The following RTN4RL2 variants were observed in gnomAD, a reference collection of about 807,000 sequenced individuals.
RTN4RL2 encodes reticulon 4 receptor like 2, also known as reticulon-4 receptor-like 2.
In RTN4RL2, 9 loss-of-function variants were observed where a neutral mutation model predicts 27.8. That is an observed-to-expected ratio of 0.32 (90% CI 0.20 to 0.57). RTN4RL2 has a LOEUF of 0.57. RTN4RL2 is among the 20% of genes least tolerant of loss of function. The pLI, the probability that RTN4RL2 is intolerant of heterozygous loss-of-function variation, is 0.90. For missense variants in RTN4RL2, 436 were observed against 596.8 expected, an observed-to-expected ratio of 0.73 and a Z score of 2.81; for synonymous variants, 285 against 297.9, an observed-to-expected ratio of 0.96 and a Z score of 0.45.
chr11:57,468,203 T>A, intron 2 of RTN4RL2, 113 bp downstream of exon 2: 1 of 1,089,488 alleles, frequency 9.2e-7, no homozygotes. Flanking sequence ...CCACCCTTCC[T>A]GCCTCAGCAT....
At chr11:57,473,124 A>G (rs1943573666) in intron 2 of RTN4RL2, among the ~76,000 whole-genome samples, 1 of 152,222 alleles carries the variant, frequency 6.6e-6, no homozygotes, top group African/African-American at 2.4e-5. Context: ...GCCGATGATG[A>G]CGATGATACC....
Position 57,467,804 on chromosome 11 carries a change from G to A in RTN4RL2, c.227G>A (p.Arg76Gln), listed in dbSNP as rs374021688. The A allele has an allele frequency of 2.9e-5, 46 of 1,613,864 alleles. No homozygotes were observed. Among genetic ancestry groups the A allele is most frequent in the Middle Eastern group, 3.3e-4 (2 of 6,084 alleles). Residue 76 changes from arginine to glutamine, a missense_variant, in exon 2 of 3, where the codon CGG (arginine) becomes CAG (glutamine). This residue lies in a region of RTN4RL2 where 365 missense variants were observed against 530.5 expected (regional missense o/e 0.69). Transcript: ENST00000335099. This position sits in a 1 kb window ranked among gnomAD's most constrained non-coding sequence, Gnocchi z 5.5. ...CAGAACAACCTCATCCGCACGCTGC[G>A]GCCAGGCACCTTTGGGTCCAACCTG... ...FLQNNLIRTL[R>Q]PGTFGSNLLT...
Position 57,467,530 on chromosome 11 carries a change from C to A in RTN4RL2, c.32-79C>A. On this transcript the variant is annotated intron_variant, in intron 1 of 2. Transcript: ENST00000335099. The surrounding 1 kb of genome is among the most constrained non-coding windows in gnomAD (Gnocchi z 5.5). ...TATTCAGCCGGGTCTAGGCCTTTTA[C>A]CAAGTTGGGGGGCTGGCCCCCAGCT... 4 of 1,531,294 alleles carry A rather than the reference C, an allele frequency of 2.6e-6. No individual in the cohort carries two copies. In the South Asian group the frequency reaches 5.1e-5, roughly 20 times the overall value. 94.9% of individuals were successfully genotyped at this position (1,531,294 alleles called of 1,614,324 possible). A position where few individuals can be genotyped will look rare whatever the true frequency, so the allele number is the denominator to read the frequency against.
intron 1 of RTN4RL2, among the ~76,000 whole-genome samples, chr11:57,462,717 T>C (rs1354743310): frequency 1.3e-5 from 2 of 152,250 alleles, no homozygotes; most frequent in Non-Finnish European, 2.9e-5. Context: ...AGTGAACAGA[T>C]ACTTTTGGCT....
chr11:57,475,681 A>C (rs1214602646), intron 2 of RTN4RL2, among the ~76,000 whole-genome samples: 8 of 152,340 alleles, frequency 5.3e-5, no homozygotes, highest in Non-Finnish European at 1.2e-4. Flanking sequence ...AGTCACAGAT[A>C]TCCTGAGTGA....
In RTN4RL2 at chr11:57,468,711, C is replaced by T. The variant is rs757583503; in HGVS notation, c.513+621C>T. On this transcript the variant is annotated intron_variant, in intron 2 of 2. Coordinates refer to ENST00000335099, the MANE Select transcript of RTN4RL2 (RefSeq NM_178570.3). Reference sequence around the variant, plus strand: ...CTCTCCAATTCACTGGGCAATGGGACGGGAGAAGCCCACACCCCTTCTAGA... The same window carrying T: ...CTCTCCAATTCACTGGGCAATGGGATGGGAGAAGCCCACACCCCTTCTAGA... The T allele has an allele frequency of 1.0e-4, 158 of 1,535,836 alleles. 1 individual carries two copies. The highest frequency in any genetic ancestry group is 5.3e-4 in the Admixed American group (27 of 50,978).
In RTN4RL2 at chr11:57,460,625, C is replaced by T; in HGVS notation, c.-241C>T. On this transcript the variant is annotated 5_prime_UTR_variant, in exon 1 of 3. It adds an upstream start codon to the 5' untranslated region. Transcript: ENST00000335099. Reference sequence around the variant, plus strand: ...GCGGGGCGCGGGCGCTGGGCGTCGACGGCCAGCCCCAGCCTTCCCCGCCCC... The same window carrying T: ...GCGGGGCGCGGGCGCTGGGCGTCGATGGCCAGCCCCAGCCTTCCCCGCCCC... 5.0e-6 allele frequency: 1 copy of T among 198,060 alleles called. No individual in the cohort carries two copies. The highest frequency in any genetic ancestry group is 1.0e-5 in the Non-Finnish European group (1 of 98,856). The allele number at this position is 198,060 out of a possible 1,614,324, so 12.3% of individuals were successfully genotyped here. A position where few individuals can be genotyped will look rare whatever the true frequency, so the allele number is the denominator to read the frequency against.
intron 1 of RTN4RL2, 125 bp downstream of exon 1, chr11:57,461,021 A>G (rs773802495): frequency 1.2e-4 from 63 of 541,150 alleles, no homozygotes; most frequent in Non-Finnish European, 1.7e-4. Context: ...GGAAAAGCTC[A>G]GCGCTGGGGC....
rs1006354947 is a variant in RTN4RL2, at chr11:57,461,535, G to C, written c.31+639G>C. Among the ~76,000 whole-genome samples the C allele has an allele frequency of 2.8e-5, 4 of 145,092 alleles. 1 individual carries two copies. The highest frequency in any genetic ancestry group is 8.6e-5 in the African/African-American group (3 of 35,032). ...GCTCAAAGGAGGAGGGAGATGGAGCGGGGGAGGGGGAGAAGGAATAAAGGT... is the reference window on the plus strand; with the variant it reads ...GCTCAAAGGAGGAGGGAGATGGAGCCGGGGAGGGGGAGAAGGAATAAAGGT... On this transcript the variant is annotated intron_variant, in intron 1 of 2. Transcript: ENST00000335099.
intron 1 of RTN4RL2, among the ~76,000 whole-genome samples, chr11:57,462,323 C>G (rs1265543938): frequency 6.6e-6 from 1 of 152,124 alleles, no homozygotes; most frequent in Non-Finnish European, 1.5e-5. Context: ...TCACCACCAC[C>G]TCCATCCCAC....
rs1258309871 is a variant in RTN4RL2, at chr11:57,461,810, C to T, written c.31+914C>T. On this transcript the variant is annotated intron_variant, in intron 1 of 2. Transcript: ENST00000335099. Reference sequence around the variant, plus strand: ...CTAGAGAAGGGGTATCAGGAACCGGCGAAGAGGGTTGGAGACAGGGAACCA... The same window carrying T: ...CTAGAGAAGGGGTATCAGGAACCGGTGAAGAGGGTTGGAGACAGGGAACCA... 2.7e-5 allele frequency among the ~76,000 whole-genome samples: 4 copies of T among 150,750 alleles called. No homozygotes were observed. The East Asian group carries it at 5.9e-4, about 22-fold the overall frequency.
At chr11:57,464,125 G>T (rs1015305451) in intron 1 of RTN4RL2, among the ~76,000 whole-genome samples, 2 of 152,258 alleles carry the variant, frequency 1.3e-5, no homozygotes, top group Admixed American at 6.5e-5. Context: ...CCACTATCAT[G>T]GGCTGGGGGA....
intron 2 of RTN4RL2, among the ~76,000 whole-genome samples, chr11:57,475,147 C>G (rs1281024963): frequency 2.0e-5 from 3 of 152,202 alleles, no homozygotes; most frequent in African/African-American, 4.8e-5. Context: ...CTGCCAGATA[C>G]TGTACCCTTA....
chr11:57,469,017 G>A (rs1036818133), intron 2 of RTN4RL2: 2 of 622,514 alleles, frequency 3.2e-6, no homozygotes, highest in African/African-American at 3.7e-5. Context: ...GGAAGGGGGT[G>A]AAAATATCCA....
intron 1 of RTN4RL2, among the ~76,000 whole-genome samples, chr11:57,464,111 G>A (rs2135115691): frequency 6.6e-6 from 1 of 152,388 alleles, no homozygotes; most frequent in South Asian, 2.1e-4. Context: ...AGAGCCTGCA[G>A]GGACCACTAT....
Position 57,468,003 on chromosome 11 carries a change from G to A in RTN4RL2, c.426G>A (p.Gln142=), listed in dbSNP as rs900565406. 2.5e-6 allele frequency: 4 copies of A among 1,604,154 alleles called. No individual in the cohort carries two copies. The highest frequency in any genetic ancestry group is 3.4e-6 in the Non-Finnish European group (4 of 1,179,966). ...RLQSLHLYRC[Q]LSSLPGNIFR... is the part of the protein sequence containing the mutation. ...AGTCGCTGCATTTGTACCGCTGCCA[G>A]CTCAGCAGCCTGCCCGGCAACATCT... The change falls in exon 2 of 3, where the codon CAG becomes CAA. Residue 142 remains glutamine (Q), a synonymous_variant. Coordinates refer to ENST00000335099, the MANE Select transcript of RTN4RL2 (RefSeq NM_178570.3).
rs1325753931 is a variant in RTN4RL2 at position 57,461,043 on chromosome 11, C to G, written c.31+147C>G. On this transcript the variant is annotated intron_variant, in intron 1 of 2. Coordinates refer to ENST00000335099, the MANE Select transcript of RTN4RL2 (RefSeq NM_178570.3). ...CTCAGCGCTGGGGCCGCGCCCCCGC[C>G]GCCAGGGCTGTTCTCAGCAGGAGGG... 1.5e-5 allele frequency: 7 copies of G among 469,700 alleles called. No homozygotes were observed. In the East Asian group the frequency reaches 2.5e-4, roughly 17 times the overall value. The allele number at this position is 469,700 out of a possible 1,614,324, so 29.1% of individuals were successfully genotyped here.
chr11:57,477,130 C>T lies in RTN4RL2; in HGVS notation c.*219C>T. 2.1e-6 allele frequency: 1 copy of T among 485,548 alleles called. No individual in the cohort carries two copies. Among genetic ancestry groups the T allele is most frequent in the Non-Finnish European group, 3.6e-6 (1 of 279,798 alleles). 30.1% of individuals were successfully genotyped at this position (485,548 alleles called of 1,614,324 possible). ...CAAGAGGGCGTGTGTGGTGGCTCAG[C>T]CCTGCCCTCCCCAGTTCTGGCCATT... On this transcript the variant is annotated 3_prime_UTR_variant, in exon 3 of 3. Transcript: ENST00000335099.
chr11:57,463,191 A>T (rs1943496061), intron 1 of RTN4RL2, among the ~76,000 whole-genome samples: 1 of 152,166 alleles, frequency 6.6e-6, no homozygotes. Flanking sequence ...CCCTTCCTTC[A>T]TCTGCAAATT....
Sources: allele counts gnomAD v4.1 joint callset (sites outside exome capture counted in the v4.1 genomes callset), GRCh38; gene constraint gnomAD v4.1.1; regional missense constraint gnomAD v4.1.1; non-coding constraint Gnocchi (gnomAD v3.1); transcripts MANE v1.5; gene names NCBI Gene and HGNC (gene_info 2026-07-23, HGNC 2026-07-21).